Variants in OR56A4 observed in about 807,000 individuals in gnomAD.
OR56A4 encodes olfactory receptor 56A4.
OR56A4 carries 9 observed loss-of-function variants against 13.6 expected under a neutral mutation model. The ratio of observed to expected loss-of-function variants is 0.66; its 90% CI spans 0.40 to 1.15. OR56A4 has a LOEUF of 1.15. OR56A4 is among the 50% of genes most tolerant of loss of function. The probability of loss-of-function intolerance (pLI) is 0.01; values close to 1 mark genes in which losing one functional copy is unlikely to be tolerated. For missense variants in OR56A4, 380 were observed against 375.9 expected (o/e 1.01, Z -0.09); for synonymous variants, 167 against 153.9 (o/e 1.08, Z -0.63).
At position 6,006,354 on chromosome 11, in the gene OR56A4, G is replaced by T. The variant is rs375077728; in HGVS notation, c.-142C>A. On this transcript the variant is annotated 5_prime_UTR_variant, in exon 2 of 3. Transcript: ENST00000641156. Reference sequence around the variant, plus strand: ...AATGAAGAATTGTTGACCATCTGGGGCATTGTTTTCGATCTTCAGTATGCC... The same window carrying T: ...AATGAAGAATTGTTGACCATCTGGGTCATTGTTTTCGATCTTCAGTATGCC... The T allele has an allele frequency of 6.6e-6, 1 of 152,134 alleles. No individual in the cohort carries two copies. Among genetic ancestry groups the T allele is most frequent in the Non-Finnish European group, 1.5e-5 (1 of 68,022 alleles). The allele number at this position is 152,134 out of a possible 1,614,324, so 9.4% of individuals were successfully genotyped here.
intron 2 of OR56A4, among the ~76,000 whole-genome samples, chr11:6,004,881 G>A (rs17480): frequency 0.51 from 77,016 of 151,916 alleles, 20,440 homozygotes; most frequent in South Asian, 0.72. Context: ...ACAGCAGTAC[G>A]TTGCATAATT....
chr11:6,002,240 G>A lies in OR56A4; in HGVS notation c.753C>T (p.Ile251=), dbSNP rs1000367823. ...LSTCGSHFIL[I]LFFSTVLLVL... is the part of the protein sequence containing the mutation. ...CCAGCAGGACTGTGCTGAAGAAGAG[G>A]ATGAGGATGAAGTGGGAACCACACG... Residue 251 remains isoleucine (I), a synonymous_variant, in exon 3 of 3, where the codon ATC becomes ATT. Coordinates refer to ENST00000641156, the MANE Select transcript of OR56A4 (RefSeq NM_001005179.4). The A allele has an allele frequency of 6.2e-7, 1 of 1,614,154 alleles. No homozygotes were observed. Among genetic ancestry groups the A allele is most frequent in the African/African-American group, 1.3e-5 (1 of 75,048 alleles).
rs764719331 is a variant in OR56A4 at position 6,002,551 on chromosome 11, C to T, written c.442G>A (p.Val148Met). ...GCATTCCGGGCTATAACAAAGACCA[C>T]GGCCCTAGCCACAAACTGGTCAGTG... ...IITDQFVARA[V>M]VFVIARNAFV... is the part of the protein sequence containing the mutation. The change falls in exon 3 of 3, where the codon GTG (valine) becomes ATG (methionine). Residue 148 changes from valine to methionine, a missense_variant. Physicochemically the swap from Val to Met is conservative, Grantham distance 21. Coordinates refer to ENST00000641156, the MANE Select transcript of OR56A4 (RefSeq NM_001005179.4). 18 of 1,614,198 alleles carry T rather than the reference C, an allele frequency of 1.1e-5. No individual in the cohort carries two copies. The Middle Eastern group carries it at 4.9e-4, about 44-fold the overall frequency.
chr11:6,002,620 G>A lies in OR56A4; in HGVS notation c.373C>T (p.Arg125Cys), dbSNP rs749332994. ...AATGGATGGCAGATGGCCACATAAC[G>A]GTCATAGGCCATGACCATGAACGTG... ...SCTFMVMAYD[R>C]YVAICHPLRY... is the part of the protein sequence containing the mutation. Residue 125 changes from arginine to cysteine, a missense_variant, in exon 3 of 3, where the codon CGT (arginine) becomes TGT (cysteine). By Grantham distance (180) the Arg-to-Cys change is radical. Coordinates refer to ENST00000641156, the MANE Select transcript of OR56A4 (RefSeq NM_001005179.4). 42 of 1,613,930 alleles carry A rather than the reference G, an allele frequency of 2.6e-5. No homozygotes were observed. In the Admixed American group the frequency reaches 3.8e-4, roughly 15 times the overall value.
At chr11:6,005,546 C>A (rs998406821) in intron 2 of OR56A4, among the ~76,000 whole-genome samples, 1 of 152,092 alleles carries the variant, frequency 6.6e-6, no homozygotes, top group African/African-American at 2.4e-5. Flanking sequence ...TGAAAAGGAA[C>A]GTGATATGCA....
chr11:6,002,419 A>T lies in OR56A4; in HGVS notation c.574T>A (p.Cys192Ser), dbSNP rs753176093. Reference protein sequence around the residue: ...CSNLSVSKLSCDDITFNQLYQ... With the variant: ...CSNLSVSKLSSDDITFNQLYQ... ...AGCTGATTGAAAGTGATGTCATCAC[A>T]AGAGAGTTTGGACACAGACAGGTTA... The change falls in exon 3 of 3, where the codon TGT becomes AGT. Residue 192 changes from cysteine to serine, a missense_variant. Coordinates refer to ENST00000641156, the MANE Select transcript of OR56A4 (RefSeq NM_001005179.4). The T allele has an allele frequency of 7.4e-6, 12 of 1,614,150 alleles. No individual in the cohort carries two copies. In the East Asian group the frequency reaches 1.1e-4, roughly 15 times the overall value.
chr11:6,002,116 T>G lies in OR56A4; in HGVS notation c.877A>C (p.Ile293Leu). 6.2e-7 allele frequency: 1 copy of G among 1,613,496 alleles called. No homozygotes were observed. Among genetic ancestry groups the G allele is most frequent in the Non-Finnish European group, 8.5e-7 (1 of 1,179,776 alleles). The stretch of plus-strand genomic sequence containing the variant: ...TCCTTGGTTCTCACACCATAAACAA[T>G]GGGGTTCAGAGCTGGGGGAATGAGG... The part of the protein sequence containing the change: ...HHLIPPALNP[I>L]VYGVRTKEIK... Residue 293 changes from isoleucine (I) to leucine (L), a missense_variant, in exon 3 of 3, where the codon ATT (isoleucine) becomes CTT (leucine). Coordinates refer to ENST00000641156, the MANE Select transcript of OR56A4 (RefSeq NM_001005179.4).
At position 6,005,954 on chromosome 11, in the gene OR56A4, G is replaced by A. The variant is rs543721254; in HGVS notation, c.-37+295C>T. Reference sequence around the variant, plus strand: ...ATAGCAGATAGGTCAAAGGCGAATCGTGGAAGGTAGGGAGGCTTTTTGGAG... The same window carrying A: ...ATAGCAGATAGGTCAAAGGCGAATCATGGAAGGTAGGGAGGCTTTTTGGAG... On this transcript the variant is annotated intron_variant, in intron 2 of 2. Transcript: ENST00000641156. 1.1e-4 allele frequency among the ~76,000 whole-genome samples: 17 copies of A among 152,206 alleles called. 1 individual carries two copies. The Middle Eastern group carries it at 9.5e-3, about 85-fold the overall frequency.
chr11:6,003,000 T>G lies in OR56A4; in HGVS notation c.-8A>C, dbSNP rs1337350866. The G allele has an allele frequency of 1.2e-6, 2 of 1,614,116 alleles. No individual in the cohort carries two copies. The highest frequency in any genetic ancestry group is 1.6e-4 in the Middle Eastern group (1 of 6,062). The stretch of plus-strand genomic sequence containing the variant: ...ATTGCTGGGAGATGCCATGTAAAGT[T>G]TCCTGATCAATCTGGAGACCCAGTG... On this transcript the variant is annotated 5_prime_UTR_variant, in exon 3 of 3. Coordinates refer to ENST00000641156, the MANE Select transcript of OR56A4 (RefSeq NM_001005179.4).
At chr11:6,003,854 C>T (rs1848237228) in intron 2 of OR56A4, among the ~76,000 whole-genome samples, 2 of 152,214 alleles carry the variant, frequency 1.3e-5, no homozygotes, top group Non-Finnish European at 2.9e-5. Context: ...CAAGAACCCA[C>T]TTACCTGGTA....
rs1202653114 is a variant in OR56A4 at position 6,002,911 on chromosome 11, G to T, written c.82C>A (p.His28Asn). 2 of 1,614,088 alleles carry T rather than the reference G, an allele frequency of 1.2e-6. No individual in the cohort carries two copies. Among genetic ancestry groups the T allele is most frequent in the Admixed American group, 3.3e-5 (2 of 60,030 alleles). The change falls in exon 3 of 3, where the codon CAC becomes AAC. Residue 28 changes from histidine to asparagine, a missense_variant. Physicochemically the swap from His to Asn is moderately conservative, Grantham distance 68. Transcript: ENST00000641156. Reference sequence around the variant, plus strand: ...AGGCTGAGGGGCAGAGACAACCAGTGCTGCCAGCTCTGGAAGTTGGGGAAG... The same window carrying T: ...AGGCTGAGGGGCAGAGACAACCAGTTCTGCCAGCTCTGGAAGTTGGGGAAG... ...ICFPNFQSWQ[H>N]WLSLPLSLLF...
chr11:6,001,328 A>G lies in OR56A4; in HGVS notation c.*723T>C, dbSNP rs1848211488. On this transcript the variant is annotated 3_prime_UTR_variant, in exon 3 of 3. Coordinates refer to ENST00000641156, the MANE Select transcript of OR56A4 (RefSeq NM_001005179.4). Reference sequence around the variant, plus strand: ...AAGAAAAGAACATACAGCACTTCAAACAGTACAACTCCTCCCCAACCTAAA... The same window carrying G: ...AAGAAAAGAACATACAGCACTTCAAGCAGTACAACTCCTCCCCAACCTAAA... 1 of 152,270 alleles carries G rather than the reference A, an allele frequency of 6.6e-6. No individual in the cohort carries two copies. The highest frequency in any genetic ancestry group is 6.5e-5 in the Admixed American group (1 of 15,282). The allele number at this position is 152,270 out of a possible 1,614,324, so 9.4% of individuals were successfully genotyped here.
chr11:6,002,314 C>G lies in OR56A4; in HGVS notation c.679G>C (p.Val227Leu). The change falls in exon 3 of 3, where the codon GTT becomes CTT. Residue 227 changes from valine (V) to leucine (L), a missense_variant. Coordinates refer to ENST00000641156, the MANE Select transcript of OR56A4 (RefSeq NM_001005179.4). ...CCCTCGGCCTTGATCCTAAGCACAACTTTCAATATAAAAGAATAGGAGATA... is the reference window on the plus strand; with the variant it reads ...CCCTCGGCCTTGATCCTAAGCACAAGTTTCAATATAAAAGAATAGGAGATA... ...IVISYSFILK[V>L]VLRIKAEGAV... 1.9e-6 allele frequency: 3 copies of G among 1,614,178 alleles called. No individual in the cohort carries two copies. The highest frequency in any genetic ancestry group is 2.5e-6 in the Non-Finnish European group (3 of 1,180,022).
intron 2 of OR56A4, 42 bp from the exon 3 acceptor site, chr11:6,003,070 T>G: frequency 1.2e-6 from 2 of 1,611,708 alleles, no homozygotes; most frequent in Non-Finnish European, 1.7e-6. Flanking sequence ...AAAAAGTACA[T>G]TCTAGACGTA....
intron 2 of OR56A4, among the ~76,000 whole-genome samples, chr11:6,005,096 A>G (rs4315052): frequency 0.99 from 150,224 of 152,224 alleles, 74,145 homozygotes; most frequent in East Asian, 1. Flanking sequence ...TATACTGATC[A>G]TGTAAACCTA....
rs1185270483 is a variant in OR56A4, at chr11:6,002,669, GT to G, written c.323del (p.Asn108ThrfsTer4). 1 of 1,614,232 alleles carries G rather than the reference GT, an allele frequency of 6.2e-7. No homozygotes were observed. The highest frequency in any genetic ancestry group is 8.5e-7 in the Non-Finnish European group (1 of 1,180,040). The part of the protein sequence containing the change: ...PACFLQMFIM[N>X]SFLTMESCTF... The stretch of plus-strand genomic sequence containing the variant: ...TGCAGGACTCCATGGTCAAAAAACT[GT>G]TCATGATGAACATCTGGAGGAAGCA... On this transcript the variant is annotated frameshift_variant, in exon 3 of 3. Coordinates refer to ENST00000641156, the MANE Select transcript of OR56A4 (RefSeq NM_001005179.4). LOFTEE classifies it high-confidence loss of function.
rs960883311 is a variant in OR56A4, at chr11:6,005,654, C to G, written c.-37+595G>C. Among the ~76,000 whole-genome samples the G allele has an allele frequency of 3.9e-5, 6 of 152,174 alleles. 1 individual carries two copies. The highest frequency in any genetic ancestry group is 8.8e-5 in the Non-Finnish European group (6 of 68,042). Reference sequence around the variant, plus strand: ...CATTCAAATCTTGTAGTTCTGGAAGCTAAGAAGTATAAGATCCAAGTGCCA... The same window carrying G: ...CATTCAAATCTTGTAGTTCTGGAAGGTAAGAAGTATAAGATCCAAGTGCCA... On this transcript the variant is annotated intron_variant, in intron 2 of 2. Coordinates refer to ENST00000641156, the MANE Select transcript of OR56A4 (RefSeq NM_001005179.4).
intron 2 of OR56A4, among the ~76,000 whole-genome samples, chr11:6,003,416 C>T (rs558399323): frequency 6.6e-6 from 1 of 152,230 alleles, no homozygotes; most frequent in East Asian, 1.9e-4. Context: ...CAATGATTTT[C>T]ATTCATTCAT....
At chr11:6,003,295 AT>A (rs1443087968) in intron 2 of OR56A4, 4 of 528,336 alleles carry the variant, frequency 7.6e-6, no homozygotes, top group Non-Finnish European at 1.3e-5. Context: ...ATAAGGGAAA[AT>A]TGTAAGAAGA....
Sources: gnomAD v4.1 joint callset for allele counts (sites outside exome capture counted in the v4.1 genomes callset) on GRCh38, gnomAD v4.1.1 for gene constraint, MANE v1.5 for transcripts, NCBI Gene and HGNC (gene_info 2026-07-23, HGNC 2026-07-21) for gene names.